Variants in EHBP1 observed in about 807,000 individuals in gnomAD.
EHBP1 encodes EH domain binding protein 1.
Under a neutral mutation model 144.0 loss-of-function variants are expected in EHBP1, and 55 were observed. The ratio of observed to expected loss-of-function variants is 0.38; its 90% CI spans 0.31 to 0.48. EHBP1 has a LOEUF of 0.48. Ranked by LOEUF, EHBP1 falls within the 20% of genes least tolerant of loss-of-function variation. EHBP1 has a pLI of 0.98. For missense variants in EHBP1, 1,200 were observed against 1,364.2 expected, an observed-to-expected ratio of 0.88 and a Z score of 1.90; for synonymous variants, 469 against 472.7, an observed-to-expected ratio of 0.99 and a Z score of 0.10.
At chr2:62,733,905 T>A (rs1281957920) in intron 2 of EHBP1, among the ~76,000 whole-genome samples, 1 of 152,254 alleles carries the variant, frequency 6.6e-6, no homozygotes, top group Non-Finnish European at 1.5e-5. Flanking sequence ...TACTGGTTCC[T>A]GGACTGCTTC....
intron 8 of EHBP1, among the ~76,000 whole-genome samples, chr2:62,863,382 C>T (rs2049755859): frequency 6.6e-6 from 1 of 151,984 alleles, no homozygotes; most frequent in South Asian, 2.1e-4. Context: ...TCATTGAGGT[C>T]AGAAGTTCAA....
At chr2:62,696,917 A>C (rs1041570626) in intron 1 of EHBP1, among the ~76,000 whole-genome samples, 5 of 152,258 alleles carry the variant, frequency 3.3e-5, no homozygotes, top group Non-Finnish European at 5.9e-5. Flanking sequence ...AGAAGCTAAA[A>C]TATTTCTGAG....
At chr2:62,961,945 T>C (rs2058022288) in intron 14 of EHBP1, among the ~76,000 whole-genome samples, 1 of 152,130 alleles carries the variant, frequency 6.6e-6, no homozygotes, top group Non-Finnish European at 1.5e-5. Flanking sequence ...GGAGAATTGC[T>C]TGAACTCGGG....
At chr2:62,796,895 C>G (rs114689164) in intron 5 of EHBP1, among the ~76,000 whole-genome samples, 1 of 151,536 alleles carries the variant, frequency 6.6e-6, no homozygotes, top group African/African-American at 2.4e-5. Flanking sequence ...CCTAAGTTCT[C>G]CCTCCTCCGT....
rs142233804 is a variant in EHBP1, at chr2:62,728,256, C to G, written c.105-19139C>G. On this transcript the variant is annotated intron_variant, in intron 2 of 22. Coordinates refer to ENST00000431489, the MANE Select transcript of EHBP1 (RefSeq NM_001142616.3). ...GCTGTGTCCCATTCCTATTCTATCT[C>G]AGGTACATACCTGGAAGTGGAATGC... 1.1e-4 allele frequency among the ~76,000 whole-genome samples: 16 copies of G among 152,326 alleles called. No homozygotes were observed. In the East Asian group the frequency reaches 3.1e-3, roughly 29 times the overall value.
chr2:62,712,115 G>T (rs976711377), intron 2 of EHBP1, among the ~76,000 whole-genome samples: 1 of 152,174 alleles, frequency 6.6e-6, no homozygotes, highest in African/African-American at 2.4e-5. Context: ...GGGAGAGGAG[G>T]TAACCTTAGG....
At chr2:62,822,860 C>T (rs1221069549) in intron 5 of EHBP1, among the ~76,000 whole-genome samples, 10 of 151,960 alleles carry the variant, frequency 6.6e-5, no homozygotes, top group African/African-American at 7.3e-5. Context: ...TGATTCCAAC[C>T]GCAATAGACT....
At chr2:62,678,254 A>G (rs2033380919) in intron 1 of EHBP1, among the ~76,000 whole-genome samples, 1 of 152,190 alleles carries the variant, frequency 6.6e-6, no homozygotes, top group South Asian at 2.1e-4. Context: ...AAATTTTTTC[A>G]TATACCTGTT....
chr2:62,795,647 A>G (rs1324824027), intron 5 of EHBP1, among the ~76,000 whole-genome samples: 1 of 152,000 alleles, frequency 6.6e-6, no homozygotes, highest in East Asian at 1.9e-4. Context: ...TGTTAATAAT[A>G]TTTGCCTCTT....
At chr2:62,704,354 A>C (rs2034377243), upstream of EHBP1, among the ~76,000 whole-genome samples, 1 of 152,194 alleles carries the variant, frequency 6.6e-6, no homozygotes, top group South Asian at 2.1e-4. Flanking sequence ...TGATTCTTCA[A>C]CATGTCTCTC....
At chr2:62,853,581 C>T (rs1440333062) in intron 7 of EHBP1, among the ~76,000 whole-genome samples, 1 of 152,188 alleles carries the variant, frequency 6.6e-6, no homozygotes, top group Non-Finnish European at 1.5e-5. Flanking sequence ...TTTTGACCTC[C>T]TCCCATGAAT....
At chr2:62,763,035 G>A (rs189238539) in intron 3 of EHBP1, among the ~76,000 whole-genome samples, 1 of 152,082 alleles carries the variant, frequency 6.6e-6, no homozygotes, top group African/African-American at 2.4e-5. Context: ...TATTATATAA[G>A]AGCCTCAGCA....
At chr2:62,971,217 TG>T (rs1321574395) in intron 14 of EHBP1, among the ~76,000 whole-genome samples, 2 of 152,308 alleles carry the variant, frequency 1.3e-5, no homozygotes, top group African/African-American at 4.8e-5. Flanking sequence ...TCAAATCCAT[TG>T]GATTGAAACA....
rs372220221 is a variant in EHBP1 at position 62,923,587 on chromosome 2, G to A, written c.1186-19131G>A. Reference sequence around the variant, plus strand: ...GCAGCTTTGCACCCATGCCCCAGGAGTGAGAAGTAGCTCTACATGCTGCCT... The same window carrying A: ...GCAGCTTTGCACCCATGCCCCAGGAATGAGAAGTAGCTCTACATGCTGCCT... On this transcript the variant is annotated intron_variant, in intron 10 of 22. Transcript: ENST00000431489. 1.2e-4 allele frequency among the ~76,000 whole-genome samples: 18 copies of A among 152,314 alleles called. No homozygotes were observed. The South Asian group carries it at 3.7e-3, about 32-fold the overall frequency.
intron 10 of EHBP1, among the ~76,000 whole-genome samples, chr2:62,934,899 A>G (rs2056260664): frequency 6.6e-6 from 1 of 152,174 alleles, no homozygotes; most frequent in Admixed American, 6.5e-5. Context: ...CATGGAATTC[A>G]TGTTAGGAGA....
Position 63,045,611 on chromosome 2 carries a change from T to G in EHBP1, c.*111T>G. 5.8e-6 allele frequency: 5 copies of G among 854,790 alleles called. No individual in the cohort carries two copies. The highest frequency in any genetic ancestry group is 9.3e-6 in the Non-Finnish European group (5 of 537,746). The allele number at this position is 854,790 out of a possible 1,614,324, so 53.0% of individuals were successfully genotyped here. A position where few individuals can be genotyped will look rare whatever the true frequency, so the allele number is the denominator to read the frequency against. ...CTTTTAACATTTTGTTTGGCTGGAT[T>G]GTACTACTTTACCTCTACTTTACCA... On this transcript the variant is annotated 3_prime_UTR_variant, in exon 23 of 23. Transcript: ENST00000431489. The surrounding 1 kb of genome is among the most constrained non-coding windows in gnomAD (Gnocchi z 5.7).
intron 12 of EHBP1, among the ~76,000 whole-genome samples, chr2:62,946,367 T>C (rs1185231534): frequency 1.3e-5 from 2 of 152,222 alleles, no homozygotes; most frequent in African/African-American, 4.8e-5. Flanking sequence ...CAATCATGGC[T>C]TTTGAAAGGC....
At chr2:62,765,911 A>T (rs140415953) in intron 4 of EHBP1, among the ~76,000 whole-genome samples, 1 of 152,094 alleles carries the variant, frequency 6.6e-6, no homozygotes, top group African/African-American at 2.4e-5. Context: ...TTCAACCTTT[A>T]TATACAATTC....
At chr2:62,883,828 G>A (rs1252638709) in intron 10 of EHBP1, among the ~76,000 whole-genome samples, 1 of 152,124 alleles carries the variant, frequency 6.6e-6, no homozygotes, top group African/African-American at 2.4e-5. Flanking sequence ...AACGTTAGCT[G>A]CGCATCATGG....
Sources: gnomAD v4.1 joint callset for allele counts (sites outside exome capture counted in the v4.1 genomes callset) on GRCh38, gnomAD v4.1.1 for gene constraint, Gnocchi (gnomAD v3.1) non-coding constraint, MANE v1.5 for transcripts, NCBI Gene and HGNC (gene_info 2026-07-23, HGNC 2026-07-21) for gene names.